The following RRM1 variants were observed in gnomAD, a reference collection of about 807,000 sequenced individuals.
The protein encoded by RRM1 is ribonucleoside-diphosphate reductase large subunit.
In RRM1, 19 loss-of-function variants were observed where a neutral mutation model predicts 101.5. That is an observed-to-expected ratio of 0.19 (90% CI 0.13 to 0.27). The LOEUF is 0.27. Ranked by LOEUF, RRM1 falls within the 10% of genes least tolerant of loss-of-function variation. The probability of loss-of-function intolerance (pLI) is 1.00; values close to 1 mark genes in which losing one functional copy is unlikely to be tolerated. For missense variants in RRM1, 500 were observed against 962.9 expected (o/e 0.52, Z 6.36); for synonymous variants, 298 against 323.4 (o/e 0.92, Z 0.84).
chr11:4,137,318 G>C, intron 18 of RRM1: 1 of 199,530 alleles, frequency 5.0e-6, no homozygotes, highest in Non-Finnish European at 1.0e-5. Flanking sequence ...GCCAGGCAGA[G>C]GTGCTCCTCA....
intron 1 of RRM1, among the ~76,000 whole-genome samples, chr11:4,095,372 T>A (rs942849096): frequency 3.0e-5 from 4 of 131,668 alleles, no homozygotes; most frequent in Non-Finnish European, 6.9e-5. Flanking sequence ...ATTAGCTTAT[T>A]ACAGATGAGG....
intron 17 of RRM1, 104 bp downstream of exon 17, chr11:4,133,762 C>A (rs1170206172): frequency 3.1e-6 from 2 of 646,102 alleles, no homozygotes; most frequent in East Asian, 2.8e-5. Context: ...TTGTGTTCAT[C>A]TAGGTTTTGC....
intron 10 of RRM1, 46 bp from the exon 11 acceptor site, chr11:4,122,095 G>T (rs1261972401): frequency 7.2e-7 from 1 of 1,391,942 alleles, no homozygotes; most frequent in Non-Finnish European, 1.0e-6. Context: ...GATTATGGTT[G>T]GCTATTTGAA....
intron 2 of RRM1, among the ~76,000 whole-genome samples, chr11:4,104,505 A>G (rs2094555903): frequency 6.6e-6 from 1 of 152,188 alleles, no homozygotes; most frequent in Non-Finnish European, 1.5e-5. Flanking sequence ...CCTGTGCATT[A>G]CCTGTCTTAA....
intron 6 of RRM1, 103 bp from the exon 7 acceptor site, chr11:4,111,797 T>A: frequency 2.4e-6 from 3 of 1,267,230 alleles, no homozygotes; most frequent in Non-Finnish European, 3.3e-6. Context: ...TAGTATAAAG[T>A]TTTTCTAGTT....
At chr11:4,125,552 A>G (rs2094588197) in intron 12 of RRM1, among the ~76,000 whole-genome samples, 1 of 152,042 alleles carries the variant, frequency 6.6e-6, no homozygotes. Flanking sequence ...CTCCAACCCT[A>G]TTAATTTTCT....
At chr11:4,128,320 C>T (rs935837974) in intron 14 of RRM1, among the ~76,000 whole-genome samples, 14 of 152,106 alleles carry the variant, frequency 9.2e-5, no homozygotes, top group Admixed American at 8.5e-4. Flanking sequence ...CCATGTTGGC[C>T]AGGCTGGTCT....
Position 4,112,021 on chromosome 11 carries a change from C to T in RRM1, c.609C>T (p.Pro203=). Residue 203 remains proline (P), a synonymous_variant, in exon 7 of 19, where the codon CCC becomes CCT. Coordinates refer to ENST00000300738, the MANE Select transcript of RRM1 (RefSeq NM_001033.5). ...AGAGGTGGTTTACTCATGCTTCGCC[C>T]ACTCTCTTCAATGCTGGTACCAACC... is the stretch of plus-strand genomic sequence containing the variant. ...LSERWFTHAS[P]TLFNAGTNRP... 6.2e-7 allele frequency: 1 copy of T among 1,614,080 alleles called. No individual in the cohort carries two copies.
intron 2 of RRM1, 117 bp downstream of exon 2, chr11:4,102,198 G>A (rs2094552536): frequency 4.8e-6 from 3 of 620,690 alleles, no homozygotes; most frequent in Non-Finnish European, 8.5e-6. Context: ...TATGCCCTTC[G>A]ATATAAAATT....
rs1370554097 is a variant in RRM1 at position 4,135,061 on chromosome 11, C to T, written c.2002-21C>T. On this transcript the variant is annotated intron_variant, in intron 17 of 18. Transcript: ENST00000300738. ...CTTTCTTTAACTGGAGTAAAGTAAA[C>T]ATTGGGTTTTCCTTCTTTAGAGCAT... is the stretch of plus-strand genomic sequence containing the variant. 5 of 1,566,394 alleles carry T rather than the reference C, an allele frequency of 3.2e-6. 1 individual carries two copies. In the Admixed American group the frequency reaches 5.3e-5, roughly 17 times the overall value.
intron 15 of RRM1, among the ~76,000 whole-genome samples, chr11:4,129,781 A>G (rs1238766994): frequency 6.6e-6 from 1 of 152,032 alleles, no homozygotes; most frequent in East Asian, 1.9e-4. Context: ...AGTGATTAAT[A>G]TTTGGAGAAT....
At chr11:4,108,597 C>CAAAAAAAAAAAA (rs754848612) in intron 4 of RRM1, among the ~76,000 whole-genome samples, 8 of 72,982 alleles carry the variant, frequency 1.1e-4, no homozygotes, top group Non-Finnish European at 1.7e-4. Context: ...GACTCAGTCT[C>CAAAAAAAAAAAA]AAAAAAAAAA....
chr11:4,116,020 C>CA (rs1321753124), intron 7 of RRM1: 1 of 152,160 alleles, frequency 6.6e-6, no homozygotes, highest in Admixed American at 6.5e-5. Flanking sequence ...ACAAAGAGGG[C>CA]AAAAATCTTC....
At chr11:4,096,502 A>G (rs1325087645) in intron 1 of RRM1, among the ~76,000 whole-genome samples, 4 of 152,254 alleles carry the variant, frequency 2.6e-5, no homozygotes, top group African/African-American at 9.6e-5. Context: ...GGTGGACAGT[A>G]GTGGCCTTTC....
chr11:4,094,723 G>A, upstream of RRM1: 1 of 532,730 alleles, frequency 1.9e-6, no homozygotes, highest in Non-Finnish European at 3.4e-6. Context: ...GCGGCTACAC[G>A]TCGCCTGTCA....
At position 4,111,653 on chromosome 11, in the gene RRM1, CAT is replaced by C; in HGVS notation, c.487+14_487+15del. The C allele has an allele frequency of 6.3e-7, 1 of 1,590,554 alleles. No individual in the cohort carries two copies. The highest frequency in any genetic ancestry group is 2.2e-5 in the East Asian group (1 of 44,530). On this transcript the variant is annotated intron_variant, in intron 6 of 18. Coordinates refer to ENST00000300738, the MANE Select transcript of RRM1 (RefSeq NM_001033.5). ...ATCAATGGAAAAGGTGAGAAATGAA[CAT>C]GTTTGTCTGTTACATTTTCTACTCA... is the stretch of plus-strand genomic sequence containing the variant.
chr11:4,138,556 C>CAT lies in RRM1; in HGVS notation c.*178_*179dup. 1 of 390,652 alleles carries CAT rather than the reference C, an allele frequency of 2.6e-6. No homozygotes were observed. The highest frequency in any genetic ancestry group is 4.4e-6 in the Non-Finnish European group (1 of 225,360). The allele number at this position is 390,652 out of a possible 1,614,324, so 24.2% of individuals were successfully genotyped here. On this transcript the variant is annotated 3_prime_UTR_variant, in exon 19 of 19. Transcript: ENST00000300738. ...ATGATAATGATTTTTTTTTTAAACT[C>CAT]ATATATTGGGATTTTCACCAAAATA...
At chr11:4,116,736 C>T (rs894408699) in intron 7 of RRM1, among the ~76,000 whole-genome samples, 1 of 151,806 alleles carries the variant, frequency 6.6e-6, no homozygotes, top group Non-Finnish European at 1.5e-5. Flanking sequence ...TCTGGGAGGC[C>T]AAAGCAAAGG....
rs375592540 is a variant in RRM1 at position 4,111,070 on chromosome 11, G to A, written c.448-531G>A. ...CAGAAATTTTCATGCAGTCTCTGCC[G>A]AAACAAAAGTGCCAGTGAGGAGGCT... On this transcript the variant is annotated intron_variant, in intron 5 of 18. Coordinates refer to ENST00000300738, the MANE Select transcript of RRM1 (RefSeq NM_001033.5). 7.5e-4 allele frequency among the ~76,000 whole-genome samples: 114 copies of A among 152,038 alleles called. 2 individuals carry two copies. Among genetic ancestry groups the A allele is most frequent in the Middle Eastern group, 6.8e-3 (2 of 294 alleles).
Sources: allele counts gnomAD v4.1 joint callset (sites outside exome capture counted in the v4.1 genomes callset), GRCh38; gene constraint gnomAD v4.1.1; transcripts MANE v1.5; gene names NCBI Gene and HGNC (gene_info 2026-07-23, HGNC 2026-07-21).